CLYBL: variants seen among roughly 807,000 people sequenced by gnomAD.
CLYBL encodes the protein citramalyl-CoA lyase.
CLYBL carries 31 observed loss-of-function variants against 38.9 expected under a neutral mutation model. The ratio of observed to expected loss-of-function variants is 0.80; its 90% confidence interval spans 0.60 to 1.08. The LOEUF is 1.08. Among genes scored for constraint, CLYBL ranks in the 50% least tolerant of loss-of-function variants. The pLI, the probability that CLYBL is intolerant of heterozygous loss-of-function variation, is 0.00. For synonymous variants in CLYBL, 171 were observed against 158.6 expected (o/e 1.08, Z -0.59); for missense variants, 434 against 411.6 (o/e 1.05, Z -0.47).
At chr13:99,685,042 G>A (rs909496503) in intron 1 of CLYBL, among the ~76,000 whole-genome samples, 1 of 152,216 alleles carries the variant, frequency 6.6e-6, no homozygotes, top group African/African-American at 2.4e-5. Context: ...GGGGGACTTA[G>A]CAATTACTCT....
At chr13:99,761,787 C>G (rs1239295969) in intron 1 of CLYBL, among the ~76,000 whole-genome samples, 1 of 152,206 alleles carries the variant, frequency 6.6e-6, no homozygotes, top group Non-Finnish European at 1.5e-5. Flanking sequence ...TTTTCATCAA[C>G]AGTGTACAAG....
intron 1 of CLYBL, among the ~76,000 whole-genome samples, chr13:99,646,146 A>G (rs1467169845): frequency 2.6e-5 from 4 of 152,204 alleles, no homozygotes; most frequent in Non-Finnish European, 5.9e-5. Context: ...ATTCATTTTC[A>G]GTTCCAAAGA....
intron 2 of CLYBL, among the ~76,000 whole-genome samples, chr13:99,790,773 A>G (rs747914750): frequency 2.6e-5 from 4 of 152,192 alleles, no homozygotes; most frequent in Non-Finnish European, 5.9e-5. Flanking sequence ...GCAGTGGCAC[A>G]ACTGGAATCC....
intron 1 of CLYBL, among the ~76,000 whole-genome samples, chr13:99,735,751 G>A (rs2048655968): frequency 6.6e-6 from 1 of 152,066 alleles, no homozygotes. Flanking sequence ...GTGAGATAAT[G>A]TAAATAAGGG....
At position 99,741,822 on chromosome 13, in the gene CLYBL, AGCATGGTAG is replaced by A. The variant is rs925507815; in HGVS notation, c.63-30998_63-30990del. ...ACCATATGATCAATCTAGTTGAAAA[AGCATGGTAG>A]GCAGAGTTTTACAATGAGAGCTTTT... is the stretch of plus-strand genomic sequence containing the variant. On this transcript the variant is annotated intron_variant, in intron 1 of 8. Transcript: ENST00000339105. 1.4e-4 allele frequency among the ~76,000 whole-genome samples: 21 copies of A among 152,342 alleles called. No individual in the cohort carries two copies. The South Asian group carries it at 1.7e-3, about 12-fold the overall frequency.
chr13:99,711,355 C>T (rs1008465463), intron 1 of CLYBL, among the ~76,000 whole-genome samples: 3 of 151,074 alleles, frequency 2.0e-5, no homozygotes, highest in African/African-American at 4.9e-5. Flanking sequence ...CACAGACGCA[C>T]ACCTTCTCAC....
In CLYBL at chr13:99,858,993, G is replaced by T. The variant is rs35680839; in HGVS notation, c.382G>T (p.Val128Phe). 1 of 1,614,010 alleles carries T rather than the reference G, an allele frequency of 6.2e-7. No homozygotes were observed. Among genetic ancestry groups the T allele is most frequent in the Admixed American group, 1.7e-5 (1 of 59,998 alleles). Residue 128 changes from valine to phenylalanine, a missense_variant, in exon 3 of 9, where the codon GTC (valine) becomes TTC (phenylalanine). Coordinates refer to ENST00000339105, the MANE Select transcript of CLYBL (RefSeq NM_206808.5). Reference protein sequence around the residue: ...EDLETLLQSRVLPSSLMLPKV... With the variant: ...EDLETLLQSRFLPSSLMLPKV... ...CCTAGAGACCCTTTTGCAATCCCGG[G>T]TCCTTCCTTCCAGCCTGATGCTACC... is the stretch of plus-strand genomic sequence containing the variant.
chr13:99,905,666 C>T (rs1163419231), intron 9 of CLYBL, among the ~76,000 whole-genome samples: 1 of 151,190 alleles, frequency 6.6e-6, no homozygotes, highest in African/African-American at 2.4e-5. Context: ...CTAAAAGTAC[C>T]TTAGATGGAA....
downstream of CLYBL, among the ~76,000 whole-genome samples, chr13:99,899,789 G>A (rs1251557837): frequency 6.6e-6 from 1 of 152,092 alleles, no homozygotes; most frequent in Non-Finnish European, 1.5e-5. Context: ...CACGTAGTAG[G>A]CATTCAGTAA....
At chr13:99,694,406 C>A (rs1230199803) in intron 1 of CLYBL, among the ~76,000 whole-genome samples, 1 of 152,212 alleles carries the variant, frequency 6.6e-6, no homozygotes, top group African/African-American at 2.4e-5. Flanking sequence ...TTGGGGACTT[C>A]CGCAGACACA....
At chr13:99,748,427 G>GTT (rs1329323755) in intron 1 of CLYBL, among the ~76,000 whole-genome samples, 2 of 95,992 alleles carry the variant, frequency 2.1e-5, no homozygotes, top group African/African-American at 8.8e-5. Context: ...CTCTAGTTTT[G>GTT]TGTTTTTTTT....
chr13:99,752,003 C>G (rs117138119), intron 1 of CLYBL, among the ~76,000 whole-genome samples: 2 of 152,132 alleles, frequency 1.3e-5, no homozygotes, highest in Non-Finnish European at 2.9e-5. Context: ...GATCGCCAGT[C>G]CCTTTCCACA....
chr13:99,693,021 A>G (rs1267405219), intron 1 of CLYBL, among the ~76,000 whole-genome samples: 2 of 152,144 alleles, frequency 1.3e-5, no homozygotes, highest in African/African-American at 4.8e-5. Flanking sequence ...TAATTTCACT[A>G]TGAACATTTG....
chr13:99,723,906 A>G (rs2048429916), intron 1 of CLYBL, among the ~76,000 whole-genome samples: 1 of 152,170 alleles, frequency 6.6e-6, no homozygotes, highest in South Asian at 2.1e-4. Flanking sequence ...TTTTTCATCA[A>G]GGGCGGAGAG....
chr13:99,728,109 T>C (rs762412124), intron 1 of CLYBL, among the ~76,000 whole-genome samples: 36 of 152,108 alleles, frequency 2.4e-4, no homozygotes, highest in Non-Finnish European at 4.1e-4. Flanking sequence ...TTAGTATTAA[T>C]ATTACAGATC....
chr13:99,833,729 C>T (rs1273007173), intron 2 of CLYBL, among the ~76,000 whole-genome samples: 5 of 116,512 alleles, frequency 4.3e-5, no homozygotes, highest in South Asian at 3.1e-4. Context: ...CTCACTCTGT[C>T]GCCAGGCTAG....
chr13:99,836,142 T>A (rs1481406995), intron 2 of CLYBL, among the ~76,000 whole-genome samples: 2 of 152,066 alleles, frequency 1.3e-5, no homozygotes, highest in Admixed American at 1.3e-4. Context: ...TGGCGCTGCT[T>A]GGAGAAGCTT....
At chr13:99,632,707 T>C (rs1337945193) in intron 1 of CLYBL, among the ~76,000 whole-genome samples, 1 of 151,974 alleles carries the variant, frequency 6.6e-6, no homozygotes, top group Non-Finnish European at 1.5e-5. Flanking sequence ...ATTGTGCCAC[T>C]GCACTCCAGC....
intron 1 of CLYBL, among the ~76,000 whole-genome samples, chr13:99,757,877 C>T (rs1388807914): frequency 6.6e-6 from 1 of 152,170 alleles, no homozygotes; most frequent in Non-Finnish European, 1.5e-5. Context: ...GGGACTGCAA[C>T]GTGCCACCAA....
Sources: allele counts gnomAD v4.1 joint callset (sites outside exome capture counted in the v4.1 genomes callset), GRCh38; gene constraint gnomAD v4.1.1; transcripts MANE v1.5; gene names NCBI Gene and HGNC (gene_info 2026-07-23, HGNC 2026-07-21).